Variants in ZNF142 observed in about 807,000 individuals in gnomAD.
The protein encoded by ZNF142 is zinc finger protein 142 (clone pHZ-49).
Under a neutral mutation model 132.1 loss-of-function variants are expected in ZNF142, and 96 were observed. The ratio of observed to expected loss-of-function variants is 0.73; its 90% CI spans 0.62 to 0.86. The LOEUF is 0.86. Among genes scored for constraint, ZNF142 ranks in the 40% least tolerant of loss-of-function variants. The pLI, the probability that ZNF142 is intolerant of heterozygous loss-of-function variation, is 0.00. For missense variants in ZNF142, 2,163 were observed against 2,336.2 expected (o/e 0.93, Z 1.53); for synonymous variants, 842 against 890.1 (o/e 0.95, Z 0.96).
In ZNF142 at chr2:218,635,860, T is replaced by C; in HGVS notation, c.*2479A>G. Reference sequence around the variant, plus strand: ...AAAGAGGGGTCCATTGTGGATCCACTGGTGAAAGTGCAGATCTTTGGCGTT... The same window carrying C: ...AAAGAGGGGTCCATTGTGGATCCACCGGTGAAAGTGCAGATCTTTGGCGTT... On this transcript the variant is annotated 3_prime_UTR_variant, in exon 11 of 11. Transcript: ENST00000411696. The C allele has an allele frequency of 6.2e-7, 1 of 1,613,956 alleles. No homozygotes were observed. Among genetic ancestry groups the C allele is most frequent in the Non-Finnish European group, 8.5e-7 (1 of 1,179,878 alleles).
Position 218,635,135 on chromosome 2 carries a change from A to T in ZNF142, c.*3204T>A, listed in dbSNP as rs570295357. On this transcript the variant is annotated 3_prime_UTR_variant, in exon 11 of 11. Coordinates refer to ENST00000411696, the MANE Select transcript of ZNF142 (RefSeq NM_001379659.1). ...AAAAATTAGCCTGGCATGGTGGCAC[A>T]TGACTATAGATAGTCCTGGCTACTC... Among the ~76,000 whole-genome samples the T allele has an allele frequency of 6.6e-6, 1 of 152,156 alleles. No individual in the cohort carries two copies. Among genetic ancestry groups the T allele is most frequent in the South Asian group, 2.1e-4 (1 of 4,816 alleles).
chr2:218,647,251 G>C (rs1277820434), intron 7 of ZNF142, among the ~76,000 whole-genome samples: 1 of 151,404 alleles, frequency 6.6e-6, no homozygotes, highest in African/African-American at 2.4e-5. Flanking sequence ...GTGAAACCCT[G>C]TCTCTACTAA....
At position 218,634,244 on chromosome 2, in the gene ZNF142, G is replaced by T; in HGVS notation, c.*4095C>A. On this transcript the variant is annotated 3_prime_UTR_variant, in exon 11 of 11. Coordinates refer to ENST00000411696, the MANE Select transcript of ZNF142 (RefSeq NM_001379659.1). The surrounding 1 kb of genome is among the most constrained non-coding windows in gnomAD (Gnocchi z 4.0). ...TGGGTGAGGAGGCAGCAGGGACTGGGAAGAGGGAGTGGAGGAGCAGCAGGT... is the reference window on the plus strand; with the variant it reads ...TGGGTGAGGAGGCAGCAGGGACTGGTAAGAGGGAGTGGAGGAGCAGCAGGT... 1 of 1,599,004 alleles carries T rather than the reference G, an allele frequency of 6.3e-7. No individual in the cohort carries two copies. The highest frequency in any genetic ancestry group is 2.3e-5 in the East Asian group (1 of 44,318).
intron 3 of ZNF142, among the ~76,000 whole-genome samples, chr2:218,656,686 T>C (rs977183515): frequency 1.3e-5 from 2 of 152,306 alleles, no homozygotes; most frequent in African/African-American, 2.4e-5. Context: ...CCAACAAGTA[T>C]TGGCCAATAT....
In ZNF142 at chr2:218,642,804, C is replaced by A; in HGVS notation, c.4312G>T (p.Gly1438Cys). ...IPCSSCPQTF[G>C]TNSKLRLHRL... ...TGCAAGCGCAGTTTCGAGTTGGTACCAAACGTCTGGGGGCAAGAGCTGCAG... is the reference window on the plus strand; with the variant it reads ...TGCAAGCGCAGTTTCGAGTTGGTACAAAACGTCTGGGGGCAAGAGCTGCAG... The change falls in exon 9 of 11, where the codon GGT becomes TGT. Residue 1438 changes from glycine to cysteine, a missense_variant. By Grantham distance (159) the Gly-to-Cys change is radical (BLOSUM62 -3). Around this residue, in one of 7 missense-constraint regions of ZNF142, gnomAD observed 809 missense variants for 801.7 expected, o/e 1.01. Transcript: ENST00000411696. The surrounding 1 kb of genome is among the most constrained non-coding windows in gnomAD (Gnocchi z 4.6). 1 of 1,614,186 alleles carries A rather than the reference C, an allele frequency of 6.2e-7. No homozygotes were observed. Among genetic ancestry groups the A allele is most frequent in the Non-Finnish European group, 8.5e-7 (1 of 1,180,044 alleles).
chr2:218,638,070 C>T lies in ZNF142; in HGVS notation c.*269G>A, dbSNP rs1645130831. On this transcript the variant is annotated 3_prime_UTR_variant, in exon 11 of 11. Coordinates refer to ENST00000411696, the MANE Select transcript of ZNF142 (RefSeq NM_001379659.1). ...AAAATCCAGATCTTATAGCCAGGGA[C>T]TTTGATGGAGTGATGGTGAAGAAAC... The T allele has an allele frequency of 3.0e-6, 1 of 336,650 alleles. No homozygotes were observed. The highest frequency in any genetic ancestry group is 1.5e-4 in the South Asian group (1 of 6,598). The allele number at this position is 336,650 out of a possible 1,614,324, so 20.9% of individuals were successfully genotyped here.
chr2:218,637,628 G>A lies in ZNF142; in HGVS notation c.*711C>T, dbSNP rs1696837001. On this transcript the variant is annotated 3_prime_UTR_variant, in exon 11 of 11. Transcript: ENST00000411696. ...TAGTGTAGCTGCTGAGCCAGTCTGA[G>A]GATTGATGATGAGCTAAAGTTGCTT... Among the ~76,000 whole-genome samples, 1 of 152,206 alleles carries A rather than the reference G, an allele frequency of 6.6e-6. No homozygotes were observed. The highest frequency in any genetic ancestry group is 1.5e-5 in the Non-Finnish European group (1 of 68,044).
chr2:218,650,377 C>G lies in ZNF142; in HGVS notation c.1030G>C (p.Gly344Arg), dbSNP rs1575077828. 6.2e-7 allele frequency: 1 copy of G among 1,614,220 alleles called. No homozygotes were observed. The highest frequency in any genetic ancestry group is 8.5e-7 in the Non-Finnish European group (1 of 1,180,044). ...TCATTACCTTCCAGCCGCTGAGCCC[C>G]TTGGCCTTTATCCACAGCCTTTTGG... ...DSQKAVDKGQGAQRLEGDVVS... is the reference protein window; with the variant it reads ...DSQKAVDKGQRAQRLEGDVVS... The change falls in exon 6 of 11, where the codon GGG becomes CGG. Residue 344 changes from glycine (G) to arginine (R), a missense_variant. Physicochemically the swap from Gly to Arg is moderately radical, Grantham distance 125. Transcript: ENST00000411696.
Position 218,644,002 on chromosome 2 carries a change from G to A in ZNF142, c.3114C>T (p.Cys1038=). The change falls in exon 9 of 11, where the codon TGC becomes TGT. Residue 1038 remains cysteine (C), a synonymous_variant. Transcript: ENST00000411696. The surrounding 1 kb of genome is among the most constrained non-coding windows in gnomAD (Gnocchi z 4.6). ...VIQGEGRAFR[C]PHCPFITRRE... is the part of the protein sequence containing the mutation. ...GGCGAGTGATAAAAGGGCAGTGTGG[G>A]CAGCGGAAGGCTCGCCCCTCTCCCT... is the stretch of plus-strand genomic sequence containing the variant. 7 of 1,614,126 alleles carry A rather than the reference G, an allele frequency of 4.3e-6. No individual in the cohort carries two copies. Among genetic ancestry groups the A allele is most frequent in the Non-Finnish European group, 5.1e-6 (6 of 1,180,020 alleles).
At chr2:218,656,676 C>A (rs1373678758) in intron 3 of ZNF142, among the ~76,000 whole-genome samples, 1 of 152,102 alleles carries the variant, frequency 6.6e-6, no homozygotes, top group East Asian at 1.9e-4. Context: ...TAGGAGACAG[C>A]CAACAAGTAT....
At position 218,642,110 on chromosome 2, in the gene ZNF142, C is replaced by T. The variant is rs1277463383; in HGVS notation, c.5006G>A (p.Trp1669Ter). ...YSTKNRQKIT[W>*]HSRIHTGEKP... ...TTCCCCAGTGTGGATGCGGCTGTGC[C>T]AGGTGATCTTCTGTCGGTTCTTGGT... Residue 1669 changes from tryptophan (W) to a stop codon, truncating the protein, a stop_gained, in exon 9 of 11, where the codon TGG (tryptophan) becomes TAG (stop). Transcript: ENST00000411696. LOFTEE classifies it high-confidence loss of function. This position sits in a 1 kb window ranked among gnomAD's most constrained non-coding sequence, Gnocchi z 4.6. 1 of 1,614,182 alleles carries T rather than the reference C, an allele frequency of 6.2e-7. No homozygotes were observed. Among genetic ancestry groups the T allele is most frequent in the Admixed American group, 1.7e-5 (1 of 60,026 alleles).
At position 218,644,845 on chromosome 2, in the gene ZNF142, C is replaced by T; in HGVS notation, c.2271G>A (p.Gln757=). ...HYCSYQSRHK[Q]AVLSHENCKH... is the part of the protein sequence containing the mutation. ...TGCAGTTCTCATGGCTCAGCACAGC[C>T]TGCTTGTGGCGGCTCTGGTAACTGC... Residue 757 remains glutamine, a synonymous_variant, in exon 9 of 11, where the codon CAG becomes CAA. Transcript: ENST00000411696. This position sits in a 1 kb window ranked among gnomAD's most constrained non-coding sequence, Gnocchi z 4.6. 6.2e-7 allele frequency: 1 copy of T among 1,614,224 alleles called. No homozygotes were observed. The highest frequency in any genetic ancestry group is 8.5e-7 in the Non-Finnish European group (1 of 1,180,034).
chr2:218,646,626 CAGGCTGG>C, intron 7 of ZNF142, among the ~76,000 whole-genome samples: 1 of 152,164 alleles, frequency 6.6e-6, no homozygotes, highest in Middle Eastern at 3.4e-3. Context: ...ATCTGTCGCC[CAGGCTGG>C]AGTGCAGTGA....
chr2:218,652,931 C>T (rs76631884), intron 4 of ZNF142, among the ~76,000 whole-genome samples: 4,060 of 151,830 alleles, frequency 0.027, 180 homozygotes, highest in African/African-American at 0.093. Context: ...CCAGGTTTGT[C>T]CTACATTTAT....
rs967816301 is a variant in ZNF142 at position 218,644,178 on chromosome 2, C to T, written c.2938G>A (p.Val980Ile). 20 of 1,613,962 alleles carry T rather than the reference C, an allele frequency of 1.2e-5. No individual in the cohort carries two copies. Among genetic ancestry groups the T allele is most frequent in the East Asian group, 1.1e-4 (5 of 44,894 alleles). ...GGTGGAGTTGTCTTGAAGGTTCCTA[C>T]CCAGTTGTTAGGAGCCTCCTCTAAG... is the stretch of plus-strand genomic sequence containing the variant. Reference protein sequence around the residue: ...PSLEEAPNNWVGTFKTTPPAE... With the variant: ...PSLEEAPNNWIGTFKTTPPAE... Residue 980 changes from valine (V) to isoleucine (I), a missense_variant, in exon 9 of 11, where the codon GTA becomes ATA. Val to Ile is a conservative substitution (Grantham distance 29). This residue lies in a region of ZNF142 where 809 missense variants were observed against 801.7 expected (regional missense o/e 1.01). Coordinates refer to ENST00000411696, the MANE Select transcript of ZNF142 (RefSeq NM_001379659.1). The surrounding 1 kb of genome is among the most constrained non-coding windows in gnomAD (Gnocchi z 4.6).
intron 3 of ZNF142, among the ~76,000 whole-genome samples, chr2:218,656,675 G>A (rs1457488726): frequency 1.3e-5 from 2 of 152,138 alleles, no homozygotes; most frequent in African/African-American, 4.8e-5. Flanking sequence ...TTAGGAGACA[G>A]CCAACAAGTA....
intron 9 of ZNF142, 96 bp downstream of exon 9, chr2:218,641,932 G>A (rs1697225241): frequency 1.4e-6 from 2 of 1,447,378 alleles, no homozygotes; most frequent in Non-Finnish European, 1.8e-6. Context: ...AAGTCACAGA[G>A]CTAATATCTG....
In ZNF142 at chr2:218,644,651, G is replaced by A; in HGVS notation, c.2465C>T (p.Thr822Ile). Residue 822 changes from threonine (T) to isoleucine (I), a missense_variant, in exon 9 of 11, where the codon ACA becomes ATA. Around this residue, in one of 7 missense-constraint regions of ZNF142, gnomAD observed 749 missense variants for 830.3 expected, o/e 0.90. Transcript: ENST00000411696. This position sits in a 1 kb window ranked among gnomAD's most constrained non-coding sequence, Gnocchi z 4.6. ...TGAGGGCTCTGAATCTGGTGGGGGT[G>A]TTGGGCCCTGCATGGCCCCTTCTGG... Reference protein sequence around the residue: ...QEPEGAMQGPTPPPDSEPSNQ... With the variant: ...QEPEGAMQGPIPPPDSEPSNQ... The A allele has an allele frequency of 1.2e-6, 2 of 1,614,244 alleles. No homozygotes were observed. Among genetic ancestry groups the A allele is most frequent in the Non-Finnish European group, 1.7e-6 (2 of 1,180,046 alleles).
intron 10 of ZNF142, among the ~76,000 whole-genome samples, chr2:218,640,235 G>A (rs1697075711): frequency 6.6e-6 from 1 of 152,004 alleles, no homozygotes; most frequent in African/African-American, 2.4e-5. Flanking sequence ...TCAAGAACCG[G>A]GTTTGTGGAT....
Sources: allele counts gnomAD v4.1 joint callset (sites outside exome capture counted in the v4.1 genomes callset), GRCh38; gene constraint gnomAD v4.1.1; regional missense constraint gnomAD v4.1.1; non-coding constraint Gnocchi (gnomAD v3.1); transcripts MANE v1.5; gene names NCBI Gene and HGNC (gene_info 2026-07-23, HGNC 2026-07-21).